The following TOM1L1 variants were observed in gnomAD, a reference collection of about 807,000 sequenced individuals.
TOM1L1 encodes the protein TOM1-like protein 1.
Under a neutral mutation model 63.4 loss-of-function variants are expected in TOM1L1, and 64 were observed. The observed-to-expected ratio is 1.01, with a 90% confidence interval of 0.83 to 1.24. TOM1L1 has a LOEUF of 1.24. Ranked by LOEUF, TOM1L1 falls within the 50% of genes most tolerant of loss-of-function variation. The probability of loss-of-function intolerance (pLI) is 0.00; values close to 1 mark genes in which losing one functional copy is unlikely to be tolerated. For synonymous variants in TOM1L1, 166 were observed against 194.4 expected (o/e 0.85, Z 1.22); for missense variants, 536 against 567.0 (o/e 0.95, Z 0.55).
At chr17:54,957,342 T>TA (rs564843383) in intron 14 of TOM1L1, 2 of 152,248 alleles carry the variant, frequency 1.3e-5, no homozygotes, top group Non-Finnish European at 2.9e-5. Flanking sequence ...TTCTGCCTGA[T>TA]AGAGTAGATA....
chr17:54,947,328 CTT>C lies in TOM1L1; in HGVS notation c.1182+19_1182+20del. ...ATATGATAATGTAAGTAACAAAACT[CTT>C]TTCTAGCAGTGCATCTAGTCAGCAG... On this transcript the variant is annotated intron_variant, in intron 12 of 15. Coordinates refer to ENST00000575882, the MANE Select transcript of TOM1L1 (RefSeq NM_005486.3). The C allele has an allele frequency of 1.9e-6, 3 of 1,613,720 alleles. No individual in the cohort carries two copies. The highest frequency in any genetic ancestry group is 2.5e-6 in the Non-Finnish European group (3 of 1,179,682).
chr17:54,912,648 AT>A lies in TOM1L1; in HGVS notation c.223-10del. The A allele has an allele frequency of 5.3e-6, 8 of 1,504,286 alleles. No homozygotes were observed. Among genetic ancestry groups the A allele is most frequent in the South Asian group, 2.8e-5 (2 of 71,738 alleles). The allele number at this position is 1,504,286 out of a possible 1,614,324, so 93.2% of individuals were successfully genotyped here. A position where few individuals can be genotyped will look rare whatever the true frequency, so the allele number is the denominator to read the frequency against. ...TTTTGCCAGATAAATATAATGTTTA[AT>A]TTTTTTTCTAATTTAGCTTATTGAC... On this transcript the variant is annotated splice_polypyrimidine_tract_variant and intron_variant, in intron 3 of 15. Transcript: ENST00000575882.
intron 9 of TOM1L1, 30 bp downstream of exon 9, chr17:54,936,739 C>A: frequency 6.3e-7 from 1 of 1,576,364 alleles, no homozygotes; most frequent in Non-Finnish European, 8.6e-7. Flanking sequence ...ATAAAATAAA[C>A]AATTGAACAT....
chr17:54,915,868 G>T lies in TOM1L1; in HGVS notation c.720+6G>T. ...AAGACATAGAGCTTCTGCAGGTGTT[G>T]TACGATTTCAGGGACTATCAGTCAA... On this transcript the variant is annotated splice_donor_region_variant and intron_variant, in intron 7 of 15. Coordinates refer to ENST00000575882, the MANE Select transcript of TOM1L1 (RefSeq NM_005486.3). The T allele has an allele frequency of 6.2e-7, 1 of 1,606,282 alleles. No homozygotes were observed. The highest frequency in any genetic ancestry group is 8.5e-7 in the Non-Finnish European group (1 of 1,173,156).
intron 3 of TOM1L1, chr17:54,906,889 C>A: frequency 2.4e-6 from 2 of 836,904 alleles, no homozygotes; most frequent in Non-Finnish European, 2.9e-6. Flanking sequence ...TTGTTTATCT[C>A]AGCCCAGCCC....
At chr17:54,942,492 G>A (rs1170791127) in intron 11 of TOM1L1, 1 of 152,098 alleles carries the variant, frequency 6.6e-6, no homozygotes, top group East Asian at 1.9e-4. Flanking sequence ...AACCTATGAG[G>A]TATGTGCCAC....
intron 5 of TOM1L1, among the ~76,000 whole-genome samples, chr17:54,914,418 T>C (rs2048552266): frequency 6.6e-6 from 1 of 151,834 alleles, no homozygotes; most frequent in African/African-American, 2.4e-5. Context: ...ATGATAATCC[T>C]AATAGCCACC....
At chr17:54,948,867 A>T (rs954480757) in intron 12 of TOM1L1, among the ~76,000 whole-genome samples, 9 of 150,880 alleles carry the variant, frequency 6.0e-5, no homozygotes, top group Non-Finnish European at 1.3e-4. Flanking sequence ...GTAGATTTAA[A>T]TTTTTTTTTT....
At chr17:54,904,722 T>C (rs1049783399) in intron 2 of TOM1L1, among the ~76,000 whole-genome samples, 2 of 152,256 alleles carry the variant, frequency 1.3e-5, no homozygotes, top group Non-Finnish European at 2.9e-5. Context: ...TTGCTTGTAG[T>C]CAATTACAAG....
rs1598102194 is a variant in TOM1L1, at chr17:54,961,628, G to T, written c.*395G>T. On this transcript the variant is annotated 3_prime_UTR_variant, in exon 16 of 16. Transcript: ENST00000575882. ...GAATAGATGAAAGCATAAAATGTGA[G>T]AAACTGAATGTATTATTCAGGAAGA... 1.8e-6 allele frequency: 2 copies of T among 1,104,836 alleles called. No individual in the cohort carries two copies. The highest frequency in any genetic ancestry group is 6.6e-5 in the South Asian group (2 of 30,258). The allele number at this position is 1,104,836 out of a possible 1,614,324, so 68.4% of individuals were successfully genotyped here. A position where few individuals can be genotyped will look rare whatever the true frequency, so the allele number is the denominator to read the frequency against.
intron 7 of TOM1L1, among the ~76,000 whole-genome samples, chr17:54,921,111 C>A (rs1364710745): frequency 1.3e-5 from 2 of 152,134 alleles, no homozygotes; most frequent in African/African-American, 4.8e-5. Context: ...TTGTCCTTTG[C>A]GTCTGCTGAG....
chr17:54,915,820 T>A lies in TOM1L1; in HGVS notation c.678T>A (p.Asn226Lys). 1 of 1,613,898 alleles carries A rather than the reference T, an allele frequency of 6.2e-7. No individual in the cohort carries two copies. Among genetic ancestry groups the A allele is most frequent in the Non-Finnish European group, 8.5e-7 (1 of 1,179,902 alleles). ...VRVMSAILMENTPGSENHEDI... is the reference protein window; with the variant it reads ...VRVMSAILMEKTPGSENHEDI... ...TGATGTCCGCCATATTGATGGAGAA[T>A]ACTCCTGGGTCTGAAAACCATGAAG... The change falls in exon 7 of 16, where the codon AAT becomes AAA. Residue 226 changes from asparagine (N) to lysine (K), a missense_variant. Transcript: ENST00000575882.
At chr17:54,947,195 T>C in intron 11 of TOM1L1, 66 bp from the exon 12 acceptor site, 1 of 1,511,318 alleles carries the variant, frequency 6.6e-7, no homozygotes, top group Non-Finnish European at 9.2e-7. Context: ...CTAGGAAAAT[T>C]ATCTTACTTT....
At chr17:54,936,813 ATTC>A (rs2048955099) in intron 9 of TOM1L1, 104 bp downstream of exon 9, 7 of 1,004,158 alleles carry the variant, frequency 7.0e-6, no homozygotes, top group Non-Finnish European at 1.0e-5. Flanking sequence ...GAAGATATGC[ATTC>A]ATAATTTGGA....
chr17:54,956,882 G>A (rs1471641497), intron 14 of TOM1L1: 2 of 152,242 alleles, frequency 1.3e-5, no homozygotes, highest in Non-Finnish European at 1.5e-5. Context: ...CATGGAAAGG[G>A]GTTGCAGTTG....
chr17:54,905,525 T>G lies in TOM1L1; in HGVS notation c.180T>G (p.Ile60Met). 1 of 1,612,292 alleles carries G rather than the reference T, an allele frequency of 6.2e-7. No homozygotes were observed. Among genetic ancestry groups the G allele is most frequent in the Non-Finnish European group, 8.5e-7 (1 of 1,179,040 alleles). The change falls in exon 3 of 16, where the codon ATT (isoleucine) becomes ATG (methionine). Residue 60 changes from isoleucine to methionine, a missense_variant. Ile to Met is a conservative substitution (Grantham distance 10). Coordinates refer to ENST00000575882, the MANE Select transcript of TOM1L1 (RefSeq NM_005486.3). ...KDAVKALKKR[I>M]SKNYNHKEIQ... ...CAGTGAAAGCTTTGAAGAAAAGGAT[T>G]TCCAAAAACTACAATCATAAAGAAA... is the stretch of plus-strand genomic sequence containing the variant.
At chr17:54,940,888 GTCAATAGCTTTTTTCCTT>G (rs1247445394) in intron 11 of TOM1L1, among the ~76,000 whole-genome samples, 1 of 152,178 alleles carries the variant, frequency 6.6e-6, no homozygotes, top group Non-Finnish European at 1.5e-5. Context: ...TTATGCCAAT[GTCAATAGCTTTTTTCCTT>G]TTAAGTGTAT....
intron 1 of TOM1L1, among the ~76,000 whole-genome samples, chr17:54,902,290 GTTTTGTTTTTGT>G (rs907195632): frequency 1.3e-5 from 2 of 151,998 alleles, no homozygotes; most frequent in Admixed American, 6.6e-5. Flanking sequence ...TGTTGTTGTT[GTTTTGTTTTTGT>G]TTTTGTTTTT....
At chr17:54,934,242 G>C (rs2048911166) in intron 8 of TOM1L1, among the ~76,000 whole-genome samples, 1 of 152,352 alleles carries the variant, frequency 6.6e-6, no homozygotes, top group South Asian at 2.1e-4. Flanking sequence ...CAAATTGTGG[G>C]AGAGGTAGGT....
Sources: gnomAD v4.1 joint callset for allele counts (sites outside exome capture counted in the v4.1 genomes callset) on GRCh38, gnomAD v4.1.1 for gene constraint, MANE v1.5 for transcripts, NCBI Gene and HGNC (gene_info 2026-07-23, HGNC 2026-07-21) for gene names.